ODAD1: variants seen among roughly 807,000 people sequenced by gnomAD.
The protein encoded by ODAD1 is outer dynein arm docking complex subunit 1, also known as outer dynein arm-docking complex subunit 1.
A neutral mutation model predicts 67.2 loss-of-function variants in ODAD1; 49 were observed. The observed-to-expected ratio is 0.73, with a 90% CI of 0.58 to 0.92. The LOEUF (loss-of-function observed/expected upper bound fraction) is 0.92. Among genes scored for constraint, ODAD1 ranks in the 40% least tolerant of loss-of-function variants. The pLI is 0.00. For missense variants in ODAD1, 897 were observed against 953.7 expected, an observed-to-expected ratio of 0.94 and a Z score of 0.78; for synonymous variants, 345 against 393.7, an observed-to-expected ratio of 0.88 and a Z score of 1.46.
rs1200474447 is a variant in ODAD1, at chr19:48,297,104, C to T, written c.1996G>A (p.Val666Met). 8 of 1,613,578 alleles carry T rather than the reference C, an allele frequency of 5.0e-6. No homozygotes were observed. Among genetic ancestry groups the T allele is most frequent in the African/African-American group, 2.7e-5 (2 of 74,930 alleles). Residue 666 changes from valine (V) to methionine (M), a missense_variant, in exon 16 of 16, where the codon GTG becomes ATG. By Grantham distance (21) the Val-to-Met change is conservative. Transcript: ENST00000674294. ...TCAGACGCTGTGCCTCCGCTCTCCACACCACCCTCTGTGTTTTCTCCGCCC... is the reference window on the plus strand; with the variant it reads ...TCAGACGCTGTGCCTCCGCTCTCCATACCACCCTCTGTGTTTTCTCCGCCC... ...SRGGENTEGG[V>M]ESGGTASDSS...
At chr19:48,297,745 C>T (rs566379570) in intron 14 of ODAD1, 77 bp from the exon 15 acceptor site, 10 of 1,249,130 alleles carry the variant, frequency 8.0e-6, no homozygotes, top group East Asian at 7.9e-5. Flanking sequence ...TGCTAAACCC[C>T]GGGAGCCTCA....
In ODAD1 at chr19:48,311,536, ATT is replaced by A; in HGVS notation, c.597+15_597+16del. On this transcript the variant is annotated intron_variant, in intron 7 of 15. Transcript: ENST00000674294. ...CAGGGGTCCCTGTCTCCTCCCCTGG[ATT>A]TCAGGGCCACTGACCTTCTTCAGCT... The A allele has an allele frequency of 6.8e-7, 1 of 1,472,726 alleles. No homozygotes were observed. Among genetic ancestry groups the A allele is most frequent in the Non-Finnish European group, 9.3e-7 (1 of 1,075,728 alleles). 91.2% of individuals were successfully genotyped at this position (1,472,726 alleles called of 1,614,324 possible). A position where few individuals can be genotyped will look rare whatever the true frequency, so the allele number is the denominator to read the frequency against.
chr19:48,297,753 T>C (rs1600855465), intron 14 of ODAD1, 85 bp from the exon 15 acceptor site: 2 of 1,182,978 alleles, frequency 1.7e-6, no homozygotes, highest in East Asian at 5.4e-5. Context: ...CCCGGGAGCC[T>C]CAGCCATTCT....
At chr19:48,318,291 C>G in intron 5 of ODAD1, 96 bp downstream of exon 5, 1 of 1,109,470 alleles carries the variant, frequency 9.0e-7, no homozygotes, top group South Asian at 1.5e-5. Context: ...TGTGCCCGGC[C>G]TAATAGCCCC....
chr19:48,296,822 G>A lies in ODAD1; in HGVS notation c.*154C>T. The A allele has an allele frequency of 1.4e-6, 2 of 1,429,330 alleles. No individual in the cohort carries two copies. Among genetic ancestry groups the A allele is most frequent in the Non-Finnish European group, 1.8e-6 (2 of 1,098,170 alleles). The allele number at this position is 1,429,330 out of a possible 1,614,324, so 88.5% of individuals were successfully genotyped here. A position where few individuals can be genotyped will look rare whatever the true frequency, so the allele number is the denominator to read the frequency against. On this transcript the variant is annotated 3_prime_UTR_variant, in exon 16 of 16. Coordinates refer to ENST00000674294, the MANE Select transcript of ODAD1 (RefSeq NM_001364171.2). Reference sequence around the variant, plus strand: ...CGGGAGACACAGGTGAGGCGGTGATGAAGGGCAGATGAAAACAGTTGAAGG... The same window carrying A: ...CGGGAGACACAGGTGAGGCGGTGATAAAGGGCAGATGAAAACAGTTGAAGG...
chr19:48,310,440 C>T (rs920864212), intron 7 of ODAD1, among the ~76,000 whole-genome samples: 5 of 152,152 alleles, frequency 3.3e-5, no homozygotes, highest in Non-Finnish European at 7.4e-5. Context: ...TAAAGGACAT[C>T]ACTGGGACAA....
Position 48,303,747 on chromosome 19 carries a change from C to T in ODAD1, c.891G>A (p.Gln297=), listed in dbSNP as rs1968532943. The change falls in exon 10 of 16, where the codon CAG becomes CAA. Residue 297 remains glutamine (Q), a synonymous_variant. Transcript: ENST00000674294. ...EVAEGVWKTS[Q]ERLVLCYEDA... is the part of the protein sequence containing the mutation. Reference sequence around the variant, plus strand: ...CCTCGTAGCAAAGCACCAGCCTCTCCTGGGAGGTCTTCCAGACGCCCTCGG... The same window carrying T: ...CCTCGTAGCAAAGCACCAGCCTCTCTTGGGAGGTCTTCCAGACGCCCTCGG... 4 of 1,613,444 alleles carry T rather than the reference C, an allele frequency of 2.5e-6. No homozygotes were observed. The highest frequency in any genetic ancestry group is 2.7e-5 in the African/African-American group (2 of 74,944).
At position 48,321,779 on chromosome 19, in the gene ODAD1, C is replaced by A; in HGVS notation, c.-165G>T. On this transcript the variant is annotated 5_prime_UTR_variant, in exon 1 of 16. Coordinates refer to ENST00000674294, the MANE Select transcript of ODAD1 (RefSeq NM_001364171.2). ...CTACAAGACGGAGCCCGAGAGGTGC[C>A]GGTCTTAAGCTGACTGTGACCACGT... The A allele has an allele frequency of 2.5e-6, 1 of 398,528 alleles. No homozygotes were observed. The highest frequency in any genetic ancestry group is 4.4e-5 in the Admixed American group (1 of 22,726). The allele number at this position is 398,528 out of a possible 1,614,324, so 24.7% of individuals were successfully genotyped here.
intron 7 of ODAD1, among the ~76,000 whole-genome samples, chr19:48,309,626 G>A (rs573239456): frequency 8.5e-5 from 13 of 152,244 alleles, no homozygotes; most frequent in South Asian, 4.1e-4. Context: ...ACAAGAACTC[G>A]GGCAAAGGCA....
chr19:48,308,903 G>A (rs368393531), intron 7 of ODAD1, among the ~76,000 whole-genome samples: 5 of 152,030 alleles, frequency 3.3e-5, no homozygotes, highest in Non-Finnish European at 5.9e-5. Flanking sequence ...CTACAGACCC[G>A]GGCCTCCCAC....
At position 48,302,793 on chromosome 19, in the gene ODAD1, T is replaced by G. The variant is rs1968503984; in HGVS notation, c.1141A>C (p.Lys381Gln). 6.2e-7 allele frequency: 1 copy of G among 1,613,936 alleles called. No homozygotes were observed. The highest frequency in any genetic ancestry group is 8.5e-7 in the Non-Finnish European group (1 of 1,179,960). ...DQHLLQEQQQ[K>Q]VLQQRMDKVH... ...TTGTCCATGCGCTGCTGCAACACCTTCTGCTGCTGCTCCTGCAGCAAATGC... is the reference window on the plus strand; with the variant it reads ...TTGTCCATGCGCTGCTGCAACACCTGCTGCTGCTGCTCCTGCAGCAAATGC... Residue 381 changes from lysine to glutamine, a missense_variant, in exon 12 of 16, where the codon AAG becomes CAG. Physicochemically the swap from Lys to Gln is moderately conservative, Grantham distance 53. Transcript: ENST00000674294.
intron 5 of ODAD1, among the ~76,000 whole-genome samples, chr19:48,312,618 T>C (rs1968795141): frequency 6.6e-6 from 1 of 152,094 alleles, no homozygotes; most frequent in South Asian, 2.1e-4. Context: ...GGTTTCACCA[T>C]GTTGGCCAGG....
At chr19:48,299,788 G>A (rs1430283988) in intron 12 of ODAD1, among the ~76,000 whole-genome samples, 3 of 151,454 alleles carry the variant, frequency 2.0e-5, no homozygotes, top group African/African-American at 7.3e-5. Context: ...GGAACAGAGC[G>A]AGACTTTCTC....
intron 3 of ODAD1, among the ~76,000 whole-genome samples, 188 bp from the exon 4 acceptor site, chr19:48,319,000 A>C (rs1968973647): frequency 8.4e-6 from 1 of 119,558 alleles, no homozygotes; most frequent in Non-Finnish European, 1.7e-5. Flanking sequence ...ATCCCTTCAT[A>C]CCCAAAACTG....
At position 48,306,279 on chromosome 19, in the gene ODAD1, G is replaced by A. The variant is rs1569006293; in HGVS notation, c.642C>T (p.Ser214=). 1 of 1,551,706 alleles carries A rather than the reference G, an allele frequency of 6.4e-7. No individual in the cohort carries two copies. Among genetic ancestry groups the A allele is most frequent in the Non-Finnish European group, 8.7e-7 (1 of 1,146,968 alleles). ...ACCTGACGGCGTAGGCAGAGGTGGA[G>A]GAGAGGATAAGGGTGCTGACCAGGT... ...LHHLVSTLIL[S]STSAYAVREE... is the part of the protein sequence containing the mutation. Residue 214 remains serine, a synonymous_variant, in exon 8 of 16, where the codon TCC becomes TCT. Transcript: ENST00000674294.
chr19:48,302,595 A>G (rs1252659380), intron 12 of ODAD1, 99 bp downstream of exon 12: 1 of 953,474 alleles, frequency 1.0e-6, no homozygotes, highest in Non-Finnish European at 1.6e-6. Context: ...TAAGCAAGTG[A>G]ACCAGGTTGT....
chr19:48,321,735 T>G lies in ODAD1; in HGVS notation c.-121A>C. Reference sequence around the variant, plus strand: ...CCTGCGGTGACCTGTATGGAAGCCCTCGAAGCCAGGCCGAGGTCCTACAAG... The same window carrying G: ...CCTGCGGTGACCTGTATGGAAGCCCGCGAAGCCAGGCCGAGGTCCTACAAG... On this transcript the variant is annotated 5_prime_UTR_variant, in exon 1 of 16. Transcript: ENST00000674294. 2.5e-6 allele frequency: 1 copy of G among 397,482 alleles called. No individual in the cohort carries two copies. The highest frequency in any genetic ancestry group is 4.4e-6 in the Non-Finnish European group (1 of 225,436). The allele number at this position is 397,482 out of a possible 1,614,324, so 24.6% of individuals were successfully genotyped here. A position where few individuals can be genotyped will look rare whatever the true frequency, so the allele number is the denominator to read the frequency against.
intron 6 of ODAD1, among the ~76,000 whole-genome samples, 151 bp from the exon 7 acceptor site, chr19:48,311,817 C>T (rs1968772334): frequency 6.6e-6 from 1 of 152,040 alleles, no homozygotes; most frequent in African/African-American, 2.4e-5. Flanking sequence ...AATCAATGTC[C>T]ACTCCCCTCT....
chr19:48,307,934 A>G (rs1968659210), intron 7 of ODAD1, among the ~76,000 whole-genome samples: 1 of 152,138 alleles, frequency 6.6e-6, no homozygotes, highest in Non-Finnish European at 1.5e-5. Flanking sequence ...GGGCAGAACA[A>G]GGTCCAGATT....
Sources: allele counts gnomAD v4.1 joint callset (sites outside exome capture counted in the v4.1 genomes callset), GRCh38; gene constraint gnomAD v4.1.1; transcripts MANE v1.5; gene names NCBI Gene and HGNC (gene_info 2026-07-23, HGNC 2026-07-21).